Variants in DGKG observed in about 807,000 individuals in gnomAD.
DGKG encodes DAG kinase gamma.
Under a neutral mutation model 105.3 loss-of-function variants are expected in DGKG, and 78 were observed. The ratio of observed to expected loss-of-function variants is 0.74; its 90% CI spans 0.62 to 0.89. The LOEUF (loss-of-function observed/expected upper bound fraction) is 0.89, where lower values mean the gene tolerates loss of function less well. Ranked by LOEUF, DGKG falls within the 40% of genes least tolerant of loss-of-function variation. The pLI is 0.00. For missense variants in DGKG, 958 were observed against 1,020.1 expected (o/e 0.94, Z 0.83); for synonymous variants, 346 against 367.1 (o/e 0.94, Z 0.66).
intron 20 of DGKG, among the ~76,000 whole-genome samples, chr3:186,228,550 C>A (rs1384218189): frequency 2.0e-5 from 3 of 152,114 alleles, no homozygotes; most frequent in Non-Finnish European, 4.4e-5. Flanking sequence ...CTGGTGCAGA[C>A]CAGCGAGATC....
At position 186,306,996 on chromosome 3, in the gene DGKG, C is replaced by G; in HGVS notation, c.68-19G>C. ...GAGGAATCTGAAGAGACACAATTCA[C>G]ATGTGAAACACTGGCAAATAGCTAA... On this transcript the variant is annotated intron_variant, in intron 2 of 24. Coordinates refer to ENST00000265022, the MANE Select transcript of DGKG (RefSeq NM_001346.3). 6.4e-7 allele frequency: 1 copy of G among 1,553,368 alleles called. No homozygotes were observed. Among genetic ancestry groups the G allele is most frequent in the Non-Finnish European group, 8.9e-7 (1 of 1,125,570 alleles).
intron 17 of DGKG, among the ~76,000 whole-genome samples, chr3:186,256,935 T>C (rs114788460): frequency 1.3e-5 from 2 of 152,346 alleles, no homozygotes; most frequent in African/African-American, 2.4e-5. Flanking sequence ...ACATACTATG[T>C]CTCACTTATT....
At chr3:186,348,528 T>G (rs574836870) in intron 1 of DGKG, among the ~76,000 whole-genome samples, 92 of 149,426 alleles carry the variant, frequency 6.2e-4, no homozygotes, top group African/African-American at 2.2e-3. Context: ...CACGGCTCAC[T>G]GCAGTCTGCA....
rs1719060521 is a variant in DGKG, at chr3:186,211,975, C to A, written c.1827-90G>T. 4.9e-6 allele frequency: 5 copies of A among 1,010,256 alleles called. No individual in the cohort carries two copies. In the Admixed American group the frequency reaches 7.6e-5, roughly 15 times the overall value. The allele number at this position is 1,010,256 out of a possible 1,614,324, so 62.6% of individuals were successfully genotyped here. A position where few individuals can be genotyped will look rare whatever the true frequency, so the allele number is the denominator to read the frequency against. On this transcript the variant is annotated intron_variant, in intron 20 of 24. Coordinates refer to ENST00000265022, the MANE Select transcript of DGKG (RefSeq NM_001346.3). ...TGTTCTTTGGATTGGGAGGCCCAAG[C>A]CTTCAGCAATTTCCCCAATCTTACA...
chr3:186,221,973 C>G (rs1385248733), intron 20 of DGKG, among the ~76,000 whole-genome samples: 8 of 152,236 alleles, frequency 5.3e-5, no homozygotes, highest in Non-Finnish European at 1.0e-4. Flanking sequence ...CTGACCTGCA[C>G]TGGCTGCTTT....
Position 186,211,809 on chromosome 3 carries a change from G to C in DGKG, c.1903C>G (p.His635Asp). 1.2e-6 allele frequency: 2 copies of C among 1,613,956 alleles called. No individual in the cohort carries two copies. Among genetic ancestry groups the C allele is most frequent in the Non-Finnish European group, 1.7e-6 (2 of 1,179,792 alleles). The part of the protein sequence containing the change: ...FAATCKKLHD[H>D]IELECDGVGV... ...TGGGAACTTACCTCCAACTCAATGT[G>C]GTCGTGGAGTTTCTTGCAGGTCGCT... is the stretch of plus-strand genomic sequence containing the variant. The change falls in exon 21 of 25, where the codon CAC becomes GAC. Residue 635 changes from histidine (H) to aspartate (D), a missense_variant. Around this residue, in one of 2 missense-constraint regions of DGKG, gnomAD observed 315 missense variants for 400.6 expected, o/e 0.79. Coordinates refer to ENST00000265022, the MANE Select transcript of DGKG (RefSeq NM_001346.3).
chr3:186,257,071 C>A (rs544051501), intron 17 of DGKG, among the ~76,000 whole-genome samples: 34 of 152,316 alleles, frequency 2.2e-4, no homozygotes, highest in African/African-American at 6.5e-4. Context: ...GGAGCACAGG[C>A]AGCATTTTTG....
At chr3:186,329,607 T>A (rs938704241) in intron 1 of DGKG, among the ~76,000 whole-genome samples, 2 of 152,244 alleles carry the variant, frequency 1.3e-5, no homozygotes, top group African/African-American at 4.8e-5. Context: ...TACATGTTCA[T>A]AAGGGAAGAA....
chr3:186,234,008 G>C (rs1305084757), intron 20 of DGKG, among the ~76,000 whole-genome samples: 2 of 152,212 alleles, frequency 1.3e-5, no homozygotes, highest in African/African-American at 4.8e-5. Context: ...ATCATTGCCA[G>C]CATGGGCTTG....
intron 3 of DGKG, 72 bp from the exon 4 acceptor site, chr3:186,298,301 A>G: frequency 6.9e-7 from 1 of 1,439,006 alleles, no homozygotes; most frequent in East Asian, 2.4e-5. Context: ...AAGGAAAAGG[A>G]ATAGAAAAGC....
intron 1 of DGKG, among the ~76,000 whole-genome samples, chr3:186,328,741 A>G (rs1008752059): frequency 1.3e-5 from 2 of 151,398 alleles, no homozygotes; most frequent in African/African-American, 2.4e-5. Context: ...ACGCCCGGCT[A>G]ATTTTTGTAT....
chr3:186,184,440 T>A (rs1717520089), intron 22 of DGKG, among the ~76,000 whole-genome samples: 1 of 152,072 alleles, frequency 6.6e-6, no homozygotes, highest in African/African-American at 2.4e-5. Flanking sequence ...GAAAGACTAA[T>A]CTTTGATGGA....
At chr3:186,188,437 G>A in intron 21 of DGKG, 58 bp from the exon 22 acceptor site, 1 of 1,559,200 alleles carries the variant, frequency 6.4e-7, no homozygotes, top group Non-Finnish European at 8.7e-7. Flanking sequence ...ACAACCCAAG[G>A]TGCTCTGTGT....
intron 11 of DGKG, among the ~76,000 whole-genome samples, chr3:186,270,695 C>T (rs1043636464): frequency 3.9e-5 from 6 of 152,224 alleles, no homozygotes; most frequent in Admixed American, 3.3e-4. Flanking sequence ...GTGACTGGCC[C>T]TAGGTTCCAA....
At chr3:186,229,117 A>G (rs938830883) in intron 20 of DGKG, among the ~76,000 whole-genome samples, 1 of 152,180 alleles carries the variant, frequency 6.6e-6, no homozygotes, top group Non-Finnish European at 1.5e-5. Flanking sequence ...TGCGTGACTG[A>G]TACATCTACA....
chr3:186,236,628 T>C (rs1461203979), intron 20 of DGKG, among the ~76,000 whole-genome samples: 1 of 152,252 alleles, frequency 6.6e-6, no homozygotes, highest in Non-Finnish European at 1.5e-5. Flanking sequence ...TTCCAACCTC[T>C]TAAAAACTCA....
chr3:186,280,645 C>T (rs1225178266), intron 8 of DGKG, 25 bp downstream of exon 8: 1 of 1,598,986 alleles, frequency 6.3e-7, no homozygotes, highest in Admixed American at 1.7e-5. Context: ...CACTCCAAAG[C>T]CACCCCATCC....
At chr3:186,259,237 G>A (rs1721633351) in intron 16 of DGKG, among the ~76,000 whole-genome samples, 1 of 152,194 alleles carries the variant, frequency 6.6e-6, no homozygotes, top group South Asian at 2.1e-4. Context: ...CTGGCTCGTC[G>A]TCTCAGATGA....
At chr3:186,354,274 G>C (rs1190834095) in intron 1 of DGKG, among the ~76,000 whole-genome samples, 1 of 152,198 alleles carries the variant, frequency 6.6e-6, no homozygotes. Context: ...CAGAGGGGTG[G>C]AGAAATGCAG....
Sources: allele counts gnomAD v4.1 joint callset (sites outside exome capture counted in the v4.1 genomes callset), GRCh38; gene constraint gnomAD v4.1.1; regional missense constraint gnomAD v4.1.1; transcripts MANE v1.5; gene names NCBI Gene and HGNC (gene_info 2026-07-23, HGNC 2026-07-21).